Variants in KCNIP4 observed in about 807,000 individuals in gnomAD.
KCNIP4 encodes Kv channel-interacting protein 4.
KCNIP4 carries 12 observed loss-of-function variants against 34.0 expected under a neutral mutation model. That is an observed-to-expected ratio of 0.35 (90% CI 0.23 to 0.57). KCNIP4 has a LOEUF of 0.57. Ranked by LOEUF, KCNIP4 falls within the 20% of genes least tolerant of loss-of-function variation. The pLI, the probability that KCNIP4 is intolerant of heterozygous loss-of-function variation, is 0.83. For missense variants in KCNIP4, 238 were observed against 311.7 expected, an observed-to-expected ratio of 0.76 and a Z score of 1.78; for synonymous variants, 124 against 102.2, an observed-to-expected ratio of 1.21 and a Z score of -1.29.
intron 1 of KCNIP4, among the ~76,000 whole-genome samples, chr4:21,314,210 T>C (rs1264755731): frequency 6.6e-6 from 1 of 152,228 alleles, no homozygotes; most frequent in Non-Finnish European, 1.5e-5. Context: ...ATGTCTTCCA[T>C]GCTTCAAATT....
chr4:21,860,361 T>C (rs1020016473), intron 1 of KCNIP4, among the ~76,000 whole-genome samples: 2 of 152,150 alleles, frequency 1.3e-5, no homozygotes, highest in African/African-American at 4.8e-5. Flanking sequence ...CTCGAACTCC[T>C]GACCTCAAGT....
chr4:21,642,836 G>C (rs189528606), intron 1 of KCNIP4, among the ~76,000 whole-genome samples: 1 of 152,140 alleles, frequency 6.6e-6, no homozygotes, highest in Admixed American at 6.6e-5. Context: ...ACTCTACAAT[G>C]GAAATAAGGA....
intron 1 of KCNIP4, among the ~76,000 whole-genome samples, chr4:21,107,452 G>A (rs1159317247): frequency 1.3e-5 from 2 of 151,104 alleles, no homozygotes; most frequent in African/African-American, 4.9e-5. Context: ...CATTTGCTCG[G>A]TAGATTTTCC....
intron 3 of KCNIP4, among the ~76,000 whole-genome samples, chr4:20,774,250 T>C (rs1756174537): frequency 6.6e-6 from 1 of 152,222 alleles, no homozygotes; most frequent in African/African-American, 2.4e-5. Context: ...TGGGATATTA[T>C]GTTTATCCTT....
chr4:21,067,600 G>T (rs1157005081), intron 1 of KCNIP4, among the ~76,000 whole-genome samples: 3 of 152,094 alleles, frequency 2.0e-5, no homozygotes, highest in East Asian at 3.9e-4. Flanking sequence ...GGATAACTTT[G>T]CCACCTGCTG....
intron 5 of KCNIP4, among the ~76,000 whole-genome samples, chr4:20,738,828 C>T (rs2149292372): frequency 6.6e-6 from 1 of 152,256 alleles, no homozygotes; most frequent in Non-Finnish European, 1.5e-5. Flanking sequence ...TTGGGGAATT[C>T]CCTTTCCTAG....
rs11931751 is a variant in KCNIP4 at position 21,045,210 on chromosome 4, G to A, written c.62-162501C>T. Among the ~76,000 whole-genome samples, 850 of 152,254 alleles carry A rather than the reference G, an allele frequency of 5.6e-3. 11 individuals are homozygous for A. The highest frequency in any genetic ancestry group is 0.02 in the African/African-American group (816 of 41,536). ...ATTCTTGCAAACTAGTAAGTTACAG[G>A]TTTAGCCATAAAGAAGCAAGCAGGC... is the stretch of plus-strand genomic sequence containing the variant. On this transcript the variant is annotated intron_variant, in intron 1 of 8. Transcript: ENST00000382152.
chr4:21,320,141 A>G (rs1396193926), intron 1 of KCNIP4, among the ~76,000 whole-genome samples: 1 of 152,252 alleles, frequency 6.6e-6, no homozygotes, highest in African/African-American at 2.4e-5. Flanking sequence ...GAAACAGATT[A>G]CACATTAAAC....
intron 1 of KCNIP4, among the ~76,000 whole-genome samples, chr4:21,337,366 T>A (rs996870549): frequency 2.0e-5 from 3 of 152,160 alleles, no homozygotes; most frequent in Non-Finnish European, 2.9e-5. Context: ...CAATTTCTTC[T>A]GAGGCCAATA....
At position 21,926,161 on chromosome 4, in the gene KCNIP4, G is replaced by A. The variant is rs149360027; in HGVS notation, c.61+22410C>T. On this transcript the variant is annotated intron_variant, in intron 1 of 8. Transcript: ENST00000382152. ...CCAATACTTAATCAGCAATTGCTGTGGCTAAAAGCTTTCTATGCATTATCT... is the reference window on the plus strand; with the variant it reads ...CCAATACTTAATCAGCAATTGCTGTAGCTAAAAGCTTTCTATGCATTATCT... Among the ~76,000 whole-genome samples, 404 of 152,244 alleles carry A rather than the reference G, an allele frequency of 2.7e-3. 3 individuals carry two copies. Among genetic ancestry groups the A allele is most frequent in the Non-Finnish European group, 4.0e-3 (270 of 68,020 alleles).
chr4:20,793,171 T>C (rs975603981), intron 3 of KCNIP4, among the ~76,000 whole-genome samples: 3 of 152,192 alleles, frequency 2.0e-5, no homozygotes, highest in Non-Finnish European at 4.4e-5. Context: ...TCGTCCTAAA[T>C]GTCCATTTAC....
intron 1 of KCNIP4, among the ~76,000 whole-genome samples, chr4:21,829,052 G>T (rs896762519): frequency 2.0e-5 from 3 of 150,402 alleles, no homozygotes; most frequent in Non-Finnish European, 4.4e-5. Context: ...AATATTCTAA[G>T]TAAAAAAAAA....
At chr4:20,840,359 T>A (rs1719571197) in intron 3 of KCNIP4, among the ~76,000 whole-genome samples, 2 of 152,170 alleles carry the variant, frequency 1.3e-5, no homozygotes, top group South Asian at 2.1e-4. Context: ...CTAGAGACAG[T>A]CTTGGGAACC....
intron 1 of KCNIP4, among the ~76,000 whole-genome samples, chr4:21,766,295 C>T (rs767247349): frequency 2.6e-5 from 4 of 152,128 alleles, no homozygotes; most frequent in Non-Finnish European, 2.9e-5. Context: ...TTTACTATCT[C>T]AATAATAACC....
intron 1 of KCNIP4, among the ~76,000 whole-genome samples, chr4:21,110,959 T>G (rs1749110072): frequency 6.6e-6 from 1 of 152,228 alleles, no homozygotes; most frequent in African/African-American, 2.4e-5. Flanking sequence ...TAAATAAGTT[T>G]TAGGCTTCTT....
intron 1 of KCNIP4, among the ~76,000 whole-genome samples, chr4:21,452,049 T>G (rs58093966): frequency 6.6e-6 from 1 of 151,874 alleles, no homozygotes; most frequent in African/African-American, 2.4e-5. Flanking sequence ...CCCCCCCAAC[T>G]CCGCCTTCCA....
chr4:21,867,706 G>A (rs1269974840), intron 1 of KCNIP4, among the ~76,000 whole-genome samples: 1 of 152,202 alleles, frequency 6.6e-6, no homozygotes, highest in African/African-American at 2.4e-5. Flanking sequence ...AATCAATTGA[G>A]CAAGTGAGAA....
intron 1 of KCNIP4, among the ~76,000 whole-genome samples, chr4:21,794,744 T>G (rs1720515715): frequency 6.6e-6 from 1 of 152,088 alleles, no homozygotes; most frequent in African/African-American, 2.4e-5. Context: ...CCAGGAGTGG[T>G]GGCATGCACC....
At chr4:21,751,037 T>C in intron 1 of KCNIP4, among the ~76,000 whole-genome samples, 1 of 152,010 alleles carries the variant, frequency 6.6e-6, no homozygotes, top group African/African-American at 2.4e-5. Context: ...ATTTAGGCCT[T>C]GCAAAAAATG....
Sources: gnomAD v4.1 joint callset for allele counts (sites outside exome capture counted in the v4.1 genomes callset) on GRCh38, gnomAD v4.1.1 for gene constraint, MANE v1.5 for transcripts, NCBI Gene and HGNC (gene_info 2026-07-23, HGNC 2026-07-21) for gene names.